Variants in SHOC1 observed in about 807,000 individuals in gnomAD.
The protein encoded by SHOC1 is shortage in chiasmata 1, also known as protein shortage in chiasmata 1 ortholog.
In SHOC1, 136 loss-of-function variants were observed where a neutral mutation model predicts 179.2. The ratio of observed to expected loss-of-function variants is 0.76; its 90% confidence interval spans 0.66 to 0.87. SHOC1 has a LOEUF of 0.87. Among genes scored for constraint, SHOC1 ranks in the 40% least tolerant of loss-of-function variants. The probability of loss-of-function intolerance (pLI) is 0.00; values close to 1 mark genes in which losing one functional copy is unlikely to be tolerated. For synonymous variants in SHOC1, 489 were observed against 586.6 expected (o/e 0.83, Z 2.41); for missense variants, 1,538 against 1,700.8 (o/e 0.90, Z 1.68).
chr9:111,687,827 A>G (rs1157726565), intron 27 of SHOC1, among the ~76,000 whole-genome samples: 1 of 149,072 alleles, frequency 6.7e-6, no homozygotes, highest in Non-Finnish European at 1.5e-5. Flanking sequence ...CACTTGGGCT[A>G]ATTTTCTTCT....
chr9:111,745,558 G>T (rs1834239899), intron 10 of SHOC1, among the ~76,000 whole-genome samples: 1 of 152,168 alleles, frequency 6.6e-6, no homozygotes, highest in Non-Finnish European at 1.5e-5. Context: ...ATCCTTATAA[G>T]AACAGGAGAT....
At chr9:111,786,146 T>A in intron 2 of SHOC1, 111 bp from the exon 3 acceptor site, 1 of 761,510 alleles carries the variant, frequency 1.3e-6, no homozygotes, top group Non-Finnish European at 1.9e-6. Context: ...TCTTTAAAAG[T>A]AATACATGCT....
intron 24 of SHOC1, among the ~76,000 whole-genome samples, chr9:111,694,843 T>C (rs543677054): frequency 6.6e-6 from 1 of 151,976 alleles, no homozygotes; most frequent in Admixed American, 6.6e-5. Context: ...AAAGAAAAAA[T>C]AAGGTTTTGA....
intron 24 of SHOC1, among the ~76,000 whole-genome samples, chr9:111,697,328 C>A (rs1191956290): frequency 2.0e-5 from 3 of 152,056 alleles, no homozygotes; most frequent in Non-Finnish European, 4.4e-5. Context: ...TCTCCTAATG[C>A]TATCACTCCC....
intron 8 of SHOC1, among the ~76,000 whole-genome samples, chr9:111,749,757 A>T (rs113096532): frequency 6.6e-6 from 1 of 152,066 alleles, no homozygotes; most frequent in Non-Finnish European, 1.5e-5. Context: ...TCCCACTTAT[A>T]AGTGAGAACA....
Position 111,691,892 on chromosome 9 carries a change from T to C in SHOC1, c.4085A>G (p.Lys1362Arg). The change falls in exon 27 of 28, where the codon AAA becomes AGA. Residue 1362 changes from lysine to arginine, a missense_variant. Coordinates refer to ENST00000682961, the MANE Select transcript of SHOC1 (RefSeq NM_001378211.1). ...TQSPLHWNFK[K>R]NIWEQENHPF... ...GTGATTCTCTTGTTCCCATATATTT[T>C]TCTTAAAGTTCCAATGAAGAGGAGA... 1 of 1,613,932 alleles carries C rather than the reference T, an allele frequency of 6.2e-7. No individual in the cohort carries two copies. Among genetic ancestry groups the C allele is most frequent in the Non-Finnish European group, 8.5e-7 (1 of 1,179,954 alleles).
intron 5 of SHOC1, among the ~76,000 whole-genome samples, chr9:111,765,482 C>T (rs1048372960): frequency 8.0e-5 from 12 of 149,644 alleles, no homozygotes; most frequent in South Asian, 2.1e-4. Context: ...TCCAGCTACT[C>T]GGGAGGCTGA....
At chr9:111,687,199 C>T (rs549405550) in intron 27 of SHOC1, among the ~76,000 whole-genome samples, 22 of 152,156 alleles carry the variant, frequency 1.4e-4, no homozygotes, top group South Asian at 4.1e-4. Flanking sequence ...CCACCTGCCT[C>T]GGCCTCCCAA....
chr9:111,756,269 TAACA>T, intron 8 of SHOC1, 52 bp downstream of exon 8: 1 of 1,424,290 alleles, frequency 7.0e-7, no homozygotes, highest in Non-Finnish European at 9.4e-7. Flanking sequence ...AGAACCTATG[TAACA>T]AACATTCTTA....
Position 111,791,401 on chromosome 9 carries a change from T to G in SHOC1, c.18A>C (p.Lys6Asn), listed in dbSNP as rs999100853. 88 of 1,479,040 alleles carry G rather than the reference T, an allele frequency of 5.9e-5. No homozygotes were observed. Among genetic ancestry groups the G allele is most frequent in the Non-Finnish European group, 7.2e-5 (80 of 1,111,350 alleles). 91.6% of individuals were successfully genotyped at this position (1,479,040 alleles called of 1,614,324 possible). A position where few individuals can be genotyped will look rare whatever the true frequency, so the allele number is the denominator to read the frequency against. MFSAL[K>N]YHAIDYLYEN... is the part of the protein sequence containing the mutation. ...CATATAAATAGTCTATTGCATGATA[T>G]TTCAATGCTGAAAACATATCTTCTT... The change falls in exon 2 of 28, where the codon AAA becomes AAC. Residue 6 changes from lysine (K) to asparagine (N), a missense_variant. Lys to Asn is a moderately conservative substitution (Grantham distance 94). Transcript: ENST00000682961.
chr9:111,690,815 A>G (rs1831392935), intron 27 of SHOC1, among the ~76,000 whole-genome samples: 1 of 152,190 alleles, frequency 6.6e-6, no homozygotes, highest in Admixed American at 6.5e-5. Flanking sequence ...CAAAAAATAC[A>G]AGATTTTCTT....
In SHOC1 at chr9:111,700,036, G is replaced by A; in HGVS notation, c.3101C>T (p.Thr1034Ile). Residue 1034 changes from threonine to isoleucine, a missense_variant, in exon 24 of 28, where the codon ACA (threonine) becomes ATA (isoleucine). Physicochemically the swap from Thr to Ile is moderately conservative, Grantham distance 89 (BLOSUM62 -1). Coordinates refer to ENST00000682961, the MANE Select transcript of SHOC1 (RefSeq NM_001378211.1). ...TGCTAGGTGATGAAGTGTCTTTTCT[G>A]TAAGCAGATACCTACAAAGAATTAT... ...KETLNSEYLL[T>I]EKTLHHLALI... is the part of the protein sequence containing the mutation. 1.9e-6 allele frequency: 3 copies of A among 1,564,358 alleles called. No individual in the cohort carries two copies. The highest frequency in any genetic ancestry group is 3.4e-4 in the Middle Eastern group (2 of 5,896).
At chr9:111,704,394 T>C (rs983026419) in intron 21 of SHOC1, among the ~76,000 whole-genome samples, 1 of 152,138 alleles carries the variant, frequency 6.6e-6, no homozygotes. Context: ...TACTGTATAT[T>C]GTTATTATTT....
At chr9:111,690,314 T>A (rs1194757003) in intron 27 of SHOC1, among the ~76,000 whole-genome samples, 1 of 152,050 alleles carries the variant, frequency 6.6e-6, no homozygotes, top group African/African-American at 2.4e-5. Context: ...TAATCCCAGC[T>A]ACTTGGGAGG....
chr9:111,718,416 T>G, intron 15 of SHOC1, 128 bp from the exon 16 acceptor site: 1 of 484,652 alleles, frequency 2.1e-6, no homozygotes, highest in South Asian at 4.3e-5. Context: ...AGGCTGTATA[T>G]AAGCTGGCTA....
chr9:111,756,410 T>C lies in SHOC1; in HGVS notation c.777A>G (p.Pro259=). ...ATAACTCCTTCAGTTCTGAGAGTGA[T>C]GGAATATCAATTTCTGGTTTGAGGC... ...PPSLKPEIDI[P]SLSELKELLN... The change falls in exon 8 of 28, where the codon CCA becomes CCG. Residue 259 remains proline, a synonymous_variant. Transcript: ENST00000682961. The C allele has an allele frequency of 6.2e-7, 1 of 1,611,184 alleles. No individual in the cohort carries two copies. The highest frequency in any genetic ancestry group is 8.5e-7 in the Non-Finnish European group (1 of 1,177,754).
chr9:111,716,981 C>T (rs980340260), intron 16 of SHOC1, among the ~76,000 whole-genome samples: 1 of 152,170 alleles, frequency 6.6e-6, no homozygotes, highest in Admixed American at 6.5e-5. Flanking sequence ...AGTCACCTGA[C>T]TTCATTGTGC....
intron 2 of SHOC1, among the ~76,000 whole-genome samples, chr9:111,789,163 G>A (rs1252025945): frequency 6.6e-6 from 1 of 152,012 alleles, no homozygotes; most frequent in African/African-American, 2.4e-5. Context: ...AATGTTTGCT[G>A]AAGGTGTTAT....
intron 5 of SHOC1, among the ~76,000 whole-genome samples, chr9:111,770,065 T>G (rs746347905): frequency 5.4e-5 from 8 of 148,024 alleles, no homozygotes; most frequent in Non-Finnish European, 1.2e-4. Flanking sequence ...CTTCTACCAG[T>G]TTGGGGTTTG....
Sources: gnomAD v4.1 joint callset for allele counts (sites outside exome capture counted in the v4.1 genomes callset) on GRCh38, gnomAD v4.1.1 for gene constraint, MANE v1.5 for transcripts, NCBI Gene and HGNC (gene_info 2026-07-23, HGNC 2026-07-21) for gene names.